CHSY3: variants seen among roughly 807,000 people sequenced by gnomAD.
CHSY3 encodes N-acetylgalactosaminyl-proteoglycan 3-beta-glucuronosyltransferase 3.
In CHSY3, 35 loss-of-function variants were observed where a neutral mutation model predicts 67.2. The observed-to-expected ratio is 0.52, with a 90% CI of 0.40 to 0.69. CHSY3 has a LOEUF of 0.69. Ranked by LOEUF, CHSY3 falls within the 30% of genes least tolerant of loss-of-function variation. CHSY3 has a pLI of 0.00. For missense variants in CHSY3, 1,069 were observed against 1,138.5 expected, an observed-to-expected ratio of 0.94 and a Z score of 0.88; for synonymous variants, 474 against 434.7, an observed-to-expected ratio of 1.09 and a Z score of -1.12.
chr5:129,957,051 T>A (rs1762197677), intron 2 of CHSY3, among the ~76,000 whole-genome samples: 1 of 152,196 alleles, frequency 6.6e-6, no homozygotes, highest in Non-Finnish European at 1.5e-5. Flanking sequence ...TAAATTGTTT[T>A]GTGCAGTATG....
chr5:129,927,478 A>G (rs1761155494), intron 2 of CHSY3, among the ~76,000 whole-genome samples: 1 of 152,074 alleles, frequency 6.6e-6, no homozygotes, highest in African/African-American at 2.4e-5. Flanking sequence ...ATTGCATTTG[A>G]ATTACACCAA....
intron 2 of CHSY3, among the ~76,000 whole-genome samples, chr5:130,021,927 GCCATCTATTGGAAAGAT>G (rs1208742670): frequency 1.3e-5 from 2 of 151,958 alleles, no homozygotes; most frequent in Non-Finnish European, 2.9e-5. Context: ...GTAATTATGT[GCCATCTATTGGAAAGAT>G]CCATACGTAG....
intron 2 of CHSY3, among the ~76,000 whole-genome samples, chr5:129,924,410 GGCCGAGGCAGGCGGATCA>G (rs1561457031): frequency 6.6e-6 from 1 of 152,014 alleles, no homozygotes; most frequent in Non-Finnish European, 1.5e-5. Context: ...CACTTTGGGA[GGCCGAGGCAGGCGGATCA>G]CGAGATCAAG....
chr5:130,143,846 A>ATATATATATATG (rs1221929570), intron 2 of CHSY3, among the ~76,000 whole-genome samples: 1 of 130,494 alleles, frequency 7.7e-6, no homozygotes, highest in Non-Finnish European at 1.6e-5. Context: ...ATATATATAT[A>ATATATATATATG]TGCCAATTCA....
intron 2 of CHSY3, among the ~76,000 whole-genome samples, chr5:129,982,634 T>C (rs537571639): frequency 6.6e-6 from 1 of 152,192 alleles, no homozygotes; most frequent in African/African-American, 2.4e-5. Flanking sequence ...TTTCCTAATA[T>C]ATTCTAATAG....
chr5:129,923,428 C>T (rs537928860), intron 2 of CHSY3, among the ~76,000 whole-genome samples: 5 of 151,942 alleles, frequency 3.3e-5, no homozygotes, highest in South Asian at 2.1e-4. Context: ...AAATACTTAT[C>T]GAGCATCTAA....
intron 2 of CHSY3, among the ~76,000 whole-genome samples, chr5:129,976,659 T>C (rs113908908): frequency 0.03 from 4,513 of 152,196 alleles, 101 homozygotes; most frequent in South Asian, 0.087. Context: ...GCTCTTCACA[T>C]TTAATATTAT....
At chr5:129,967,220 A>C (rs1762493512) in intron 2 of CHSY3, among the ~76,000 whole-genome samples, 1 of 151,840 alleles carries the variant, frequency 6.6e-6, no homozygotes, top group Non-Finnish European at 1.5e-5. Flanking sequence ...ACTTTGAAGC[A>C]GGGAAGATGG....
At chr5:129,973,253 C>T (rs985951573) in intron 2 of CHSY3, among the ~76,000 whole-genome samples, 7 of 152,028 alleles carry the variant, frequency 4.6e-5, no homozygotes, top group African/African-American at 1.7e-4. Context: ...CCAAAAAGAA[C>T]ATATTATCCT....
intron 2 of CHSY3, among the ~76,000 whole-genome samples, chr5:130,104,290 A>G (rs897044668): frequency 1.3e-5 from 2 of 151,902 alleles, no homozygotes; most frequent in African/African-American, 4.8e-5. Flanking sequence ...ATTTTAGCAC[A>G]TCTCAGCCGT....
At chr5:129,978,819 C>G (rs1762886016) in intron 2 of CHSY3, among the ~76,000 whole-genome samples, 1 of 152,052 alleles carries the variant, frequency 6.6e-6, no homozygotes, top group African/African-American at 2.4e-5. Context: ...TTTCCAGATA[C>G]TTAGCTTCCC....
rs113506179 is a variant in CHSY3 at position 130,006,437 on chromosome 5, C to T, written c.1086+98077C>T. Among the ~76,000 whole-genome samples the T allele has an allele frequency of 4.6e-5, 7 of 152,226 alleles. 1 individual carries two copies. The highest frequency in any genetic ancestry group is 1.7e-4 in the African/African-American group (7 of 41,542). Reference sequence around the variant, plus strand: ...ACAAGTTCCAAAGAACCAGCTGTGTCAGATAATCAGAGGGTGAGCTCTGTG... The same window carrying T: ...ACAAGTTCCAAAGAACCAGCTGTGTTAGATAATCAGAGGGTGAGCTCTGTG... On this transcript the variant is annotated intron_variant, in intron 2 of 2. Coordinates refer to ENST00000305031, the MANE Select transcript of CHSY3 (RefSeq NM_175856.5).
intron 2 of CHSY3, among the ~76,000 whole-genome samples, chr5:130,092,048 G>T (rs923299526): frequency 6.6e-6 from 1 of 152,062 alleles, no homozygotes; most frequent in Non-Finnish European, 1.5e-5. Flanking sequence ...CTCTGTCCCT[G>T]CCATTTTGAG....
chr5:129,957,791 G>T (rs77919667), intron 2 of CHSY3, among the ~76,000 whole-genome samples: 1 of 151,998 alleles, frequency 6.6e-6, no homozygotes, highest in Non-Finnish European at 1.5e-5. Flanking sequence ...ATGTCTAGGC[G>T]TTGTAGGTTC....
At chr5:130,113,642 C>T (rs1175225057) in intron 2 of CHSY3, among the ~76,000 whole-genome samples, 1 of 151,996 alleles carries the variant, frequency 6.6e-6, no homozygotes, top group Non-Finnish European at 1.5e-5. Flanking sequence ...ATTACAAGGC[C>T]CAGTCTCTCC....
chr5:130,097,751 C>T (rs969949747), intron 2 of CHSY3, among the ~76,000 whole-genome samples: 2 of 152,158 alleles, frequency 1.3e-5, no homozygotes, highest in East Asian at 3.9e-4. Context: ...CGCCTGTAAT[C>T]CCAGCACTTT....
At chr5:130,075,195 A>G (rs1289594929) in intron 2 of CHSY3, among the ~76,000 whole-genome samples, 1 of 152,166 alleles carries the variant, frequency 6.6e-6, no homozygotes, top group African/African-American at 2.4e-5. Context: ...CATCCAACTC[A>G]TTATTCTCCT....
intron 2 of CHSY3, among the ~76,000 whole-genome samples, chr5:130,044,643 A>G (rs893270364): frequency 2.6e-5 from 4 of 152,138 alleles, no homozygotes; most frequent in African/African-American, 9.7e-5. Context: ...TGAGTCAATG[A>G]AAAGGATAGA....
intron 2 of CHSY3, among the ~76,000 whole-genome samples, chr5:129,925,032 G>A (rs1340196266): frequency 6.6e-6 from 1 of 152,118 alleles, no homozygotes; most frequent in African/African-American, 2.4e-5. Flanking sequence ...ATATTTTCAT[G>A]GAGGGAGATA....
Sources: gnomAD v4.1 joint callset for allele counts (sites outside exome capture counted in the v4.1 genomes callset) on GRCh38, gnomAD v4.1.1 for gene constraint, MANE v1.5 for transcripts, NCBI Gene and HGNC (gene_info 2026-07-23, HGNC 2026-07-21) for gene names.